TTC23: variants seen among roughly 807,000 people sequenced by gnomAD.
The protein encoded by TTC23 is tetratricopeptide repeat protein 23.
TTC23 carries 58 observed loss-of-function variants against 55.1 expected under a neutral mutation model. The ratio of observed to expected loss-of-function variants is 1.05; its 90% CI spans 0.85 to 1.31. The LOEUF is 1.31. Among genes scored for constraint, TTC23 ranks in the 50% most tolerant of loss-of-function variants. The pLI, the probability that TTC23 is intolerant of heterozygous loss-of-function variation, is 0.00. For missense variants in TTC23, 516 were observed against 534.4 expected (o/e 0.97, Z 0.34); for synonymous variants, 203 against 199.9 (o/e 1.02, Z -0.13).
At chr15:99,231,514 C>T (rs552798280) in intron 4 of TTC23, among the ~76,000 whole-genome samples, 2 of 152,132 alleles carry the variant, frequency 1.3e-5, no homozygotes, top group East Asian at 1.9e-4. Context: ...TTTTTTGAGA[C>T]GAAGTCTCGC....
At chr15:99,183,126 A>T (rs1360424765) in intron 9 of TTC23, among the ~76,000 whole-genome samples, 2 of 152,196 alleles carry the variant, frequency 1.3e-5, no homozygotes, top group Admixed American at 1.3e-4. Context: ...CAAAATGCTG[A>T]TAGTGATAAG....
chr15:99,166,579 C>T lies in TTC23; in HGVS notation c.866-4712G>A, dbSNP rs569360213. ...GAGTGTATTCCTTACATGAAGGCAA[C>T]GCGGCTATCAAAGTGACAGAAGGCC... On this transcript the variant is annotated intron_variant, in intron 10 of 13. Coordinates refer to ENST00000394132, the MANE Select transcript of TTC23 (RefSeq NM_001288615.3). Among the ~76,000 whole-genome samples the T allele has an allele frequency of 5.3e-5, 8 of 152,268 alleles. No individual in the cohort carries two copies. The South Asian group carries it at 6.2e-4, about 12-fold the overall frequency.
At chr15:99,176,934 T>A (rs955782019) in intron 9 of TTC23, among the ~76,000 whole-genome samples, 1 of 152,156 alleles carries the variant, frequency 6.6e-6, no homozygotes, top group Non-Finnish European at 1.5e-5. Flanking sequence ...ACATCACTAA[T>A]TGATGCCAGC....
chr15:99,156,100 G>A lies in TTC23; in HGVS notation c.1143+48C>T, dbSNP rs775161865. On this transcript the variant is annotated intron_variant, in intron 12 of 13. Coordinates refer to ENST00000394132, the MANE Select transcript of TTC23 (RefSeq NM_001288615.3). ...ACAAGGGAGAGAAATTGACCTTGGA[G>A]AGGGGAGGGAGAGCCTAGTCTCGTG... The A allele has an allele frequency of 1.9e-6, 3 of 1,610,622 alleles. No homozygotes were observed. In the Admixed American group the frequency reaches 5.0e-5, roughly 27 times the overall value.
At chr15:99,223,441 T>C (rs2078117406) in intron 5 of TTC23, among the ~76,000 whole-genome samples, 1 of 152,148 alleles carries the variant, frequency 6.6e-6, no homozygotes, top group Non-Finnish European at 1.5e-5. Context: ...GAAATGACCA[T>C]GTGAGAACAC....
At chr15:99,204,639 T>TTTTTTTTTG (rs1382267286) in intron 8 of TTC23, among the ~76,000 whole-genome samples, 1 of 126,730 alleles carries the variant, frequency 7.9e-6, no homozygotes, top group African/African-American at 3.4e-5. Context: ...AAGGTTTTTT[T>TTTTTTTTTG]TTTTTTTTTT....
chr15:99,178,961 G>A (rs2073867178), intron 9 of TTC23, among the ~76,000 whole-genome samples: 1 of 152,154 alleles, frequency 6.6e-6, no homozygotes, highest in African/African-American at 2.4e-5. Context: ...GGGACCTTGA[G>A]GGGAGGGGCT....
intron 13 of TTC23, 123 bp downstream of exon 13, chr15:99,139,194 G>C: frequency 1.6e-6 from 2 of 1,258,456 alleles, no homozygotes; most frequent in Non-Finnish European, 2.2e-6. Flanking sequence ...CTTTATGCAA[G>C]TTATGGGAAG....
At chr15:99,247,717 A>G (rs1226017532) in intron 1 of TTC23, among the ~76,000 whole-genome samples, 1 of 114,444 alleles carries the variant, frequency 8.7e-6, no homozygotes, top group Non-Finnish European at 1.9e-5. Flanking sequence ...TTGCCTGCAA[A>G]TGGGCACAAA....
At chr15:99,203,712 TTTA>T (rs2076382432) in intron 8 of TTC23, among the ~76,000 whole-genome samples, 3 of 151,990 alleles carry the variant, frequency 2.0e-5, no homozygotes, top group Admixed American at 6.5e-5. Context: ...TTCTTTTTTT[TTTA>T]AATCTTTTTA....
intron 9 of TTC23, among the ~76,000 whole-genome samples, chr15:99,192,102 G>A (rs374440761): frequency 6.6e-6 from 1 of 152,202 alleles, no homozygotes; most frequent in African/African-American, 2.4e-5. Flanking sequence ...TTTCTAAGCA[G>A]CAAAGCATTC....
In TTC23 at chr15:99,138,105, G is replaced by A; in HGVS notation, c.1249C>T (p.Pro417Ser). The A allele has an allele frequency of 6.2e-7, 1 of 1,613,032 alleles. No individual in the cohort carries two copies. The highest frequency in any genetic ancestry group is 8.5e-7 in the Non-Finnish European group (1 of 1,180,006). The change falls in exon 14 of 14, where the codon CCA becomes TCA. Residue 417 changes from proline (P) to serine (S), a missense_variant. By Grantham distance (74) the Pro-to-Ser change is moderately conservative. Transcript: ENST00000394132. ...LSTAPKVASK[P>S]RQASKAKVAF... The stretch of plus-strand genomic sequence containing the variant: ...ACTTTGGCTTTTGATGCCTGCCTTG[G>A]CTTCGAAGCAACCTTGGGGGCCCTG...
chr15:99,182,168 T>G (rs1378022103), intron 9 of TTC23, among the ~76,000 whole-genome samples: 5 of 152,016 alleles, frequency 3.3e-5, no homozygotes, highest in Non-Finnish European at 7.4e-5. Context: ...CCTTAACCTC[T>G]TTTTCTCCCC....
chr15:99,193,736 G>A (rs1314354805), intron 9 of TTC23, among the ~76,000 whole-genome samples: 8 of 151,936 alleles, frequency 5.3e-5, no homozygotes, highest in African/African-American at 1.7e-4. Context: ...TACTGGGCAC[G>A]GTGGCTCACA....
intron 9 of TTC23, among the ~76,000 whole-genome samples, chr15:99,190,880 C>G (rs1037217933): frequency 1.3e-5 from 2 of 152,150 alleles, no homozygotes; most frequent in Non-Finnish European, 2.9e-5. Context: ...CTCCCAGGCA[C>G]AAGCAATCCT....
intron 8 of TTC23, among the ~76,000 whole-genome samples, chr15:99,212,763 C>G (rs997783036): frequency 2.0e-5 from 3 of 151,762 alleles, no homozygotes; most frequent in African/African-American, 7.3e-5. Context: ...TTTGGGAGGC[C>G]GAGACAGGAG....
At chr15:99,189,010 T>A (rs1315631793) in intron 9 of TTC23, among the ~76,000 whole-genome samples, 1 of 151,978 alleles carries the variant, frequency 6.6e-6, no homozygotes, top group Non-Finnish European at 1.5e-5. Flanking sequence ...GCCTAGGAAT[T>A]TTCTCTGAAG....
At chr15:99,147,321 G>T (rs1412284786) in intron 12 of TTC23, among the ~76,000 whole-genome samples, 1 of 148,964 alleles carries the variant, frequency 6.7e-6, no homozygotes, top group African/African-American at 2.5e-5. Flanking sequence ...CGCCTCCCAG[G>T]TTCACGCCAT....
chr15:99,211,830 T>C (rs969358727), intron 8 of TTC23, among the ~76,000 whole-genome samples: 1 of 152,160 alleles, frequency 6.6e-6, no homozygotes, highest in Non-Finnish European at 1.5e-5. Flanking sequence ...AACACTGATT[T>C]GAACCCAGGG....
Sources: allele counts gnomAD v4.1 joint callset (sites outside exome capture counted in the v4.1 genomes callset), GRCh38; gene constraint gnomAD v4.1.1; transcripts MANE v1.5; gene names NCBI Gene and HGNC (gene_info 2026-07-23, HGNC 2026-07-21).